Variants in ABHD17C observed in about 807,000 individuals in gnomAD.
ABHD17C encodes the protein alpha/beta hydrolase domain-containing protein 17C.
Under a neutral mutation model 27.9 loss-of-function variants are expected in ABHD17C, and 11 were observed. The ratio of observed to expected loss-of-function variants is 0.39; its 90% confidence interval spans 0.25 to 0.65. ABHD17C has a LOEUF of 0.65. Ranked by LOEUF, ABHD17C falls within the 30% of genes least tolerant of loss-of-function variation. The pLI, the probability that ABHD17C is intolerant of heterozygous loss-of-function variation, is 0.45. For missense variants in ABHD17C, 280 were observed against 470.2 expected, an observed-to-expected ratio of 0.60 and a Z score of 3.74; for synonymous variants, 233 against 209.1, an observed-to-expected ratio of 1.11 and a Z score of -0.98.
intron 1 of ABHD17C, among the ~76,000 whole-genome samples, chr15:80,738,861 CATTT>C (rs759608377): frequency 1.3e-4 from 20 of 152,260 alleles, no homozygotes; most frequent in East Asian, 9.6e-4. Context: ...TCTGGCCACT[CATTT>C]ATTCATTTAA....
chr15:80,729,675 G>A (rs905560118), intron 1 of ABHD17C, among the ~76,000 whole-genome samples: 10 of 152,134 alleles, frequency 6.6e-5, no homozygotes, highest in South Asian at 2.1e-4. Flanking sequence ...ACAGGGAGTC[G>A]GATGTATTAG....
intron 1 of ABHD17C, among the ~76,000 whole-genome samples, chr15:80,713,776 T>A (rs1435908000): frequency 6.6e-6 from 1 of 151,796 alleles, no homozygotes; most frequent in Non-Finnish European, 1.5e-5. Context: ...GCCATTGCAC[T>A]CCAGCCTGAG....
intron 2 of ABHD17C, among the ~76,000 whole-genome samples, chr15:80,752,363 G>A (rs1169812577): frequency 6.6e-6 from 1 of 152,210 alleles, no homozygotes; most frequent in African/African-American, 2.4e-5. Context: ...ATGTCTTGAA[G>A]TGGTCCGCGG....
At chr15:80,748,668 C>G (rs1390223273) in intron 1 of ABHD17C, among the ~76,000 whole-genome samples, 2 of 148,748 alleles carry the variant, frequency 1.3e-5, no homozygotes, top group Admixed American at 1.4e-4. Flanking sequence ...TCCCGGGTTC[C>G]TTCTATTTTG....
At chr15:80,748,447 T>C (rs1049492222) in intron 1 of ABHD17C, among the ~76,000 whole-genome samples, 2 of 152,162 alleles carry the variant, frequency 1.3e-5, no homozygotes, top group Non-Finnish European at 2.9e-5. Context: ...CTGTCTGGCT[T>C]CTTCATTTTT....
intron 1 of ABHD17C, among the ~76,000 whole-genome samples, chr15:80,731,602 CGTATATTTTTCCACCAGATATGTAAA>C (rs57477762): frequency 0.94 from 142,295 of 152,066 alleles, 66,624 homozygotes; most frequent in East Asian, 0.97. Context: ...TAAAAGAACA[CGTATATTTTTCCACCAGATATGTAAA>C]AGTATTAGTG....
rs1737872042 is a variant in ABHD17C, at chr15:80,721,453, C to T, written c.590+25434C>T. 2.0e-5 allele frequency among the ~76,000 whole-genome samples: 3 copies of T among 152,098 alleles called. No individual in the cohort carries two copies. In the South Asian group the frequency reaches 6.2e-4, roughly 32 times the overall value. ...TCACTGGCTCAGATTTGGGCTGAAT[C>T]TTGGCTTTTTCATTTCCTAATTGCA... On this transcript the variant is annotated intron_variant, in intron 1 of 2. Coordinates refer to ENST00000258884, the MANE Select transcript of ABHD17C (RefSeq NM_021214.2).
chr15:80,749,552 G>A lies in ABHD17C; in HGVS notation c.630G>A (p.Gln210=), dbSNP rs765144974. Residue 210 remains glutamine (Q), a synonymous_variant, in exon 2 of 3, where the codon CAG becomes CAA. Coordinates refer to ENST00000258884, the MANE Select transcript of ABHD17C (RefSeq NM_021214.2). ...CCGAGAACATTATCCTCTATGGTCAGAGCATTGGGACTGTCCCCACGGTAG... is the reference window on the plus strand; with the variant it reads ...CCGAGAACATTATCCTCTATGGTCAAAGCATTGGGACTGTCCCCACGGTAG... ...VSPENIILYG[Q]SIGTVPTVDL... 2 of 1,613,940 alleles carry A rather than the reference G, an allele frequency of 1.2e-6. No individual in the cohort carries two copies. Among genetic ancestry groups the A allele is most frequent in the South Asian group, 2.2e-5 (2 of 91,074 alleles).
At chr15:80,699,228 T>C (rs1381685422) in intron 1 of ABHD17C, among the ~76,000 whole-genome samples, 2 of 152,374 alleles carry the variant, frequency 1.3e-5, no homozygotes, top group Admixed American at 1.3e-4. Flanking sequence ...ACACTATGTC[T>C]TCTCTATTCC....
intron 1 of ABHD17C, among the ~76,000 whole-genome samples, chr15:80,735,572 G>A (rs890478813): frequency 5.3e-5 from 8 of 151,882 alleles, no homozygotes; most frequent in South Asian, 2.1e-4. Flanking sequence ...CGCCCCTGCC[G>A]CTGCCTACCA....
intron 1 of ABHD17C, among the ~76,000 whole-genome samples, chr15:80,743,267 G>A (rs1340668894): frequency 1.3e-5 from 2 of 152,146 alleles, no homozygotes; most frequent in African/African-American, 4.8e-5. Flanking sequence ...AAATGGGCAG[G>A]GGAAGGAGAA....
At chr15:80,697,275 A>G (rs1339830516) in intron 1 of ABHD17C, among the ~76,000 whole-genome samples, 1 of 152,232 alleles carries the variant, frequency 6.6e-6, no homozygotes, top group Non-Finnish European at 1.5e-5. Context: ...TGGCTTAGGC[A>G]GATGAGAATG....
intron 1 of ABHD17C, among the ~76,000 whole-genome samples, chr15:80,708,502 G>C (rs765893883): frequency 6.6e-6 from 1 of 152,142 alleles, no homozygotes; most frequent in Admixed American, 6.5e-5. Flanking sequence ...TTTTAGTAGA[G>C]ACAGTGTTTT....
chr15:80,724,563 A>G (rs1324430012), intron 1 of ABHD17C, among the ~76,000 whole-genome samples: 1 of 25,854 alleles, frequency 3.9e-5, no homozygotes, highest in African/African-American at 9.9e-5. Flanking sequence ...ATAAATTCTC[A>G]TAAGGAAAAA....
At chr15:80,722,068 C>T (rs1228742998) in intron 1 of ABHD17C, among the ~76,000 whole-genome samples, 1 of 151,974 alleles carries the variant, frequency 6.6e-6, no homozygotes, top group Non-Finnish European at 1.5e-5. Context: ...TCCATCTTCC[C>T]TGCAGCCCTG....
chr15:80,724,320 C>T (rs1026027128), intron 1 of ABHD17C, among the ~76,000 whole-genome samples: 1 of 152,026 alleles, frequency 6.6e-6, no homozygotes, highest in Non-Finnish European at 1.5e-5. Context: ...AGAGCAAGAC[C>T]CTGTCTCCTC....
At chr15:80,708,381 T>G (rs541471166) in intron 1 of ABHD17C, among the ~76,000 whole-genome samples, 1 of 152,312 alleles carries the variant, frequency 6.6e-6, no homozygotes, top group South Asian at 2.1e-4. Flanking sequence ...AGTGGCATGA[T>G]CTCAGCTCAC....
intron 1 of ABHD17C, among the ~76,000 whole-genome samples, chr15:80,739,921 A>G (rs776188205): frequency 1.3e-5 from 2 of 152,064 alleles, no homozygotes; most frequent in Non-Finnish European, 2.9e-5. Context: ...TTAAGCCTCT[A>G]GTGTCACACA....
chr15:80,707,014 G>A (rs759291846), intron 1 of ABHD17C, among the ~76,000 whole-genome samples: 3 of 152,114 alleles, frequency 2.0e-5, no homozygotes, highest in Non-Finnish European at 4.4e-5. Flanking sequence ...AAATAAGTTC[G>A]TTAAAAAATG....
Sources: gnomAD v4.1 joint callset for allele counts (sites outside exome capture counted in the v4.1 genomes callset) on GRCh38, gnomAD v4.1.1 for gene constraint, MANE v1.5 for transcripts, NCBI Gene and HGNC (gene_info 2026-07-23, HGNC 2026-07-21) for gene names.